The following CFAP47 variants were observed in gnomAD, a reference collection of about 807,000 sequenced individuals.
CFAP47 encodes the protein cilia- and flagella-associated protein 47.
A neutral mutation model predicts 148.1 loss-of-function variants in CFAP47; 29 were observed. That is an observed-to-expected ratio of 0.20 (90% CI 0.15 to 0.27). CFAP47 has a LOEUF of 0.27. Ranked by LOEUF, CFAP47 falls within the 10% of genes least tolerant of loss-of-function variation. The pLI is 1.00. For missense variants in CFAP47, 1,872 were observed against 1,697.5 expected (o/e 1.10, Z -1.81); for synonymous variants, 664 against 577.3 (o/e 1.15, Z -2.15).
At chrX:36,259,223 C>T (rs900929031) in intron 49 of CFAP47, among the ~76,000 whole-genome samples, 2 of 111,132 alleles carry the variant, frequency 1.8e-5, no homozygotes, top group South Asian at 3.7e-4. Flanking sequence ...TGCACAAAAT[C>T]GCTGTGTTTA....
intron 16 of CFAP47, chrX:35,990,124 A>T (rs1187083343): frequency 1.8e-5 from 2 of 112,049 alleles, no homozygotes; most frequent in African/African-American, 6.5e-5. Flanking sequence ...GTGATTAAAT[A>T]AAATATTCAT....
chrX:35,971,802 C>G (rs1569220008), intron 12 of CFAP47, 30 bp downstream of exon 12: 1 of 1,188,661 alleles, frequency 8.4e-7, no homozygotes, highest in Non-Finnish European at 1.1e-6. Flanking sequence ...TTTGGTTATT[C>G]CACGAGAATT....
intron 56 of CFAP47, among the ~76,000 whole-genome samples, chrX:36,317,191 T>C (rs1453546527): frequency 9.0e-6 from 1 of 111,476 alleles, no homozygotes; most frequent in African/African-American, 3.3e-5. Context: ...TTATGTAATA[T>C]ATGTAGTAAT....
chrX:36,295,095 G>A (rs1159084254), intron 51 of CFAP47, among the ~76,000 whole-genome samples: 5 of 111,677 alleles, frequency 4.5e-5, no homozygotes, highest in Non-Finnish European at 7.5e-5. Context: ...GTACCAGCCA[G>A]AAAAAATATT....
chrX:36,157,253 T>C (rs1237037307), intron 37 of CFAP47, among the ~76,000 whole-genome samples: 1 of 112,424 alleles, frequency 8.9e-6, no homozygotes, highest in Non-Finnish European at 1.9e-5. Context: ...GTGCTTAAAA[T>C]ATTTCAGCTT....
chrX:36,168,087 T>A (rs1939515203), intron 39 of CFAP47, among the ~76,000 whole-genome samples: 1 of 111,488 alleles, frequency 9.0e-6, no homozygotes, highest in African/African-American at 3.3e-5. Flanking sequence ...TCCCAATTGG[T>A]TTGTGTTTTT....
At chrX:35,991,982 T>C (rs961437950) in intron 17 of CFAP47, 39 bp downstream of exon 17, 5 of 288,915 alleles carry the variant, frequency 1.7e-5, no homozygotes, top group Non-Finnish European at 3.0e-5. Context: ...TTGGATCAGA[T>C]GACATGGTCA....
intron 26 of CFAP47, among the ~76,000 whole-genome samples, chrX:36,048,047 T>C (rs1937487628): frequency 9.0e-6 from 1 of 111,619 alleles, no homozygotes; most frequent in Non-Finnish European, 1.9e-5. Context: ...TAACTCCTTA[T>C]CTGGTTTTCT....
intron 37 of CFAP47, among the ~76,000 whole-genome samples, chrX:36,153,412 T>A: frequency 8.9e-6 from 1 of 112,120 alleles, no homozygotes; most frequent in East Asian, 2.8e-4. Flanking sequence ...CTGCCACAGC[T>A]CTGTGTCTGA....
chrX:35,992,943 T>G (rs1400248460), intron 17 of CFAP47, among the ~76,000 whole-genome samples: 1 of 111,207 alleles, frequency 9.0e-6, no homozygotes, highest in Non-Finnish European at 1.9e-5. Context: ...ATAATAAACT[T>G]CAGCATCCTA....
intron 57 of CFAP47, among the ~76,000 whole-genome samples, chrX:36,326,727 C>T (rs782523628): frequency 1.8e-5 from 2 of 111,625 alleles, no homozygotes; most frequent in Non-Finnish European, 3.8e-5. Context: ...CAAGATGTGA[C>T]CTGGGAGCTC....
intron 30 of CFAP47, among the ~76,000 whole-genome samples, chrX:36,086,193 A>G (rs1265939298): frequency 8.9e-6 from 1 of 112,269 alleles, no homozygotes; most frequent in Non-Finnish European, 1.9e-5. Context: ...ATTAAATGGC[A>G]AGTCGCCAAG....
intron 1 of CFAP47, among the ~76,000 whole-genome samples, chrX:35,925,064 A>T (rs1935715862): frequency 9.0e-6 from 1 of 111,525 alleles, no homozygotes; most frequent in African/African-American, 3.3e-5. Flanking sequence ...CAGCAAGGTG[A>T]CTATAGTTAA....
intron 17 of CFAP47, among the ~76,000 whole-genome samples, chrX:35,992,589 A>G (rs985537280): frequency 9.0e-6 from 1 of 111,243 alleles, no homozygotes; most frequent in South Asian, 3.7e-4. Context: ...TACATAGTCT[A>G]TTTGTTCCTT....
chrX:36,171,257 C>T lies in CFAP47; in HGVS notation c.6027-8088C>T, dbSNP rs1184258849. Reference sequence around the variant, plus strand: ...TCCCATTTTGTAGGTTGCCTGTTCACTCTGATGGTAGTTTCTTTTGCTGTG... The same window carrying T: ...TCCCATTTTGTAGGTTGCCTGTTCATTCTGATGGTAGTTTCTTTTGCTGTG... On this transcript the variant is annotated intron_variant, in intron 39 of 63. Transcript: ENST00000378653. Among the ~76,000 whole-genome samples, 10 of 107,972 alleles carry T rather than the reference C, an allele frequency of 9.3e-5. No homozygotes were observed. The East Asian group carries it at 1.5e-3, about 16-fold the overall frequency. The allele number at this position is 107,972 out of a possible 115,157, so 93.8% of individuals were successfully genotyped here.
At chrX:36,287,683 T>C (rs1430430700) in intron 51 of CFAP47, among the ~76,000 whole-genome samples, 5 of 111,609 alleles carry the variant, frequency 4.5e-5, no homozygotes, top group African/African-American at 1.3e-4. Context: ...AAGGGACATC[T>C]TTTTCAACTA....
At chrX:36,207,714 G>C (rs1394906614) in intron 45 of CFAP47, among the ~76,000 whole-genome samples, 1 of 111,472 alleles carries the variant, frequency 9.0e-6, no homozygotes, top group Admixed American at 9.6e-5. Flanking sequence ...ACAAAACTCA[G>C]AATTGAACCT....
rs1007985528 is a variant in CFAP47 at position 36,353,679 on chromosome X, A to G, written c.8849A>G (p.Asn2950Ser). 2.2e-5 allele frequency: 25 copies of G among 1,139,288 alleles called. No homozygotes were observed. The African/African-American group carries it at 4.0e-4, about 18-fold the overall frequency. 93.9% of individuals were successfully genotyped at this position (1,139,288 alleles called of 1,213,427 possible). ...RNSHNFCEDP[N>S]EIPKIHEFEY... Reference sequence around the variant, plus strand: ...TCACATAATTTTTGTGAGGATCCCAATGGTAAGAGAACTACGGTTATAGAA... The same window carrying G: ...TCACATAATTTTTGTGAGGATCCCAGTGGTAAGAGAACTACGGTTATAGAA... The change falls in exon 60 of 64, where the codon AAT becomes AGT. Residue 2950 changes from asparagine to serine, a missense_variant and splice_region_variant. Transcript: ENST00000378653.
chrX:36,328,816 CAAAA>C (rs782618340), intron 57 of CFAP47, among the ~76,000 whole-genome samples: 5 of 56,448 alleles, frequency 8.9e-5, no homozygotes, highest in African/African-American at 3.5e-4. Context: ...GACTCTGTCT[CAAAA>C]AAAAAAAAAA....
Sources: gnomAD v4.1 joint callset for allele counts (sites outside exome capture counted in the v4.1 genomes callset) on GRCh38, gnomAD v4.1.1 for gene constraint, MANE v1.5 for transcripts, NCBI Gene and HGNC (gene_info 2026-07-23, HGNC 2026-07-21) for gene names.